The following CLCN7 variants were observed in gnomAD, a reference collection of about 807,000 sequenced individuals.
CLCN7 encodes the protein H(+)/Cl(-) exchange transporter 7.
Under a neutral mutation model 102.1 loss-of-function variants are expected in CLCN7, and 60 were observed. That is an observed-to-expected ratio of 0.59 (90% confidence interval 0.48 to 0.73). The LOEUF is 0.73. Ranked by LOEUF, CLCN7 falls within the 30% of genes least tolerant of loss-of-function variation. CLCN7 has a pLI of 0.00. For missense variants in CLCN7, 962 were observed against 1,125.7 expected, an observed-to-expected ratio of 0.85 and a Z score of 2.08; for synonymous variants, 560 against 490.5, an observed-to-expected ratio of 1.14 and a Z score of -1.87.
At chr16:1,471,281 T>G (rs2039074458) in intron 1 of CLCN7, among the ~76,000 whole-genome samples, 2 of 152,052 alleles carry the variant, frequency 1.3e-5, no homozygotes, top group Non-Finnish European at 2.9e-5. Context: ...CCAGCCAACC[T>G]GAAAATCCTG....
Position 1,457,346 on chromosome 16 carries a change from C to G in CLCN7, c.739-9G>C. 6.2e-7 allele frequency: 1 copy of G among 1,612,426 alleles called. No individual in the cohort carries two copies. The highest frequency in any genetic ancestry group is 8.5e-7 in the Non-Finnish European group (1 of 1,179,048). ...TGGATCATCGGCCCTTCCTGGAGAC[C>G]AGAAGGACCGGTGCTCAGAGACACG... On this transcript the variant is annotated splice_polypyrimidine_tract_variant and intron_variant, in intron 8 of 24. Coordinates refer to ENST00000382745, the MANE Select transcript of CLCN7 (RefSeq NM_001287.6). This position sits in a 1 kb window ranked among gnomAD's most constrained non-coding sequence, Gnocchi z 5.4.
intron 14 of CLCN7, among the ~76,000 whole-genome samples, chr16:1,453,264 C>T (rs973977131): frequency 2.6e-5 from 4 of 152,184 alleles, no homozygotes; most frequent in South Asian, 2.1e-4. Flanking sequence ...CCACCCGCCT[C>T]GGCCTCCCAA....
chr16:1,465,313 A>C lies in CLCN7; in HGVS notation c.167T>G (p.Val56Gly), dbSNP rs967197502. Reference sequence around the variant, plus strand: ...CAGCTCCACGCTGCTCATATGTCCGACTCGGAAAAGCGCAGAACGTGGTGA... The same window carrying C: ...CAGCTCCACGCTGCTCATATGTCCGCCTCGGAAAAGCGCAGAACGTGGTGA... Reference protein sequence around the residue: ...RQSPRSALFRVGHMSSVELDD... With the variant: ...RQSPRSALFRGGHMSSVELDD... Residue 56 changes from valine to glycine, a missense_variant, in exon 2 of 25, where the codon GTC becomes GGC. By Grantham distance (109) the Val-to-Gly change is moderately radical (BLOSUM62 -3). Transcript: ENST00000382745. 4 of 1,613,728 alleles carry C rather than the reference A, an allele frequency of 2.5e-6. No individual in the cohort carries two copies. The African/African-American group carries it at 5.3e-5, about 22-fold the overall frequency.
At chr16:1,464,026 C>A (rs1454089308) in intron 2 of CLCN7, among the ~76,000 whole-genome samples, 1 of 152,170 alleles carries the variant, frequency 6.6e-6, no homozygotes, top group African/African-American at 2.4e-5. Context: ...CCATCTGCTT[C>A]CCAAAGTACT....
Position 1,446,374 on chromosome 16 carries a change from G to A in CLCN7, c.*257C>T, listed in dbSNP as rs2142363634. 1.4e-6 allele frequency: 1 copy of A among 702,304 alleles called. No individual in the cohort carries two copies. Among genetic ancestry groups the A allele is most frequent in the East Asian group, 2.7e-5 (1 of 37,280 alleles). 43.5% of individuals were successfully genotyped at this position (702,304 alleles called of 1,614,324 possible). On this transcript the variant is annotated 3_prime_UTR_variant, in exon 25 of 25. Coordinates refer to ENST00000382745, the MANE Select transcript of CLCN7 (RefSeq NM_001287.6). ...CACACACACACAGCTGATCCCTGGA[G>A]GTAAAGAAACCTAGACGAGGAGAGT...
chr16:1,461,304 G>T, intron 4 of CLCN7, 101 bp downstream of exon 4: 1 of 1,018,072 alleles, frequency 9.8e-7, no homozygotes. Context: ...GAGGAGGAGG[G>T]AGGAGGTGCG....
chr16:1,457,316 C>G lies in CLCN7; in HGVS notation c.760G>C (p.Gly254Arg). The G allele has an allele frequency of 5.0e-6, 8 of 1,613,980 alleles. No homozygotes were observed. Among genetic ancestry groups the G allele is most frequent in the Non-Finnish European group, 6.8e-6 (8 of 1,180,030 alleles). The change falls in exon 9 of 25, where the codon GGT (glycine) becomes CGT (arginine). Residue 254 changes from glycine (G) to arginine (R), a missense_variant. Physicochemically the swap from Gly to Arg is moderately radical, Grantham distance 125. Around this residue, in one of 2 missense-constraint regions of CLCN7, gnomAD observed 799 missense variants for 988.0 expected, o/e 0.81. Transcript: ENST00000382745. The surrounding 1 kb of genome is among the most constrained non-coding windows in gnomAD (Gnocchi z 5.4). ...VGKEGPMIHS[G>R]SVIAAGISQG... ...GAGATCCCGGCGGCAATCACTGAACCTGAGTGGATCATCGGCCCTTCCTGG... is the reference window on the plus strand; with the variant it reads ...GAGATCCCGGCGGCAATCACTGAACGTGAGTGGATCATCGGCCCTTCCTGG...
chr16:1,464,787 A>G (rs1256817923), intron 2 of CLCN7, among the ~76,000 whole-genome samples: 1 of 152,196 alleles, frequency 6.6e-6, no homozygotes, highest in African/African-American at 2.4e-5. Context: ...TCCCGGCCTC[A>G]CCAGCGGCTG....
intron 17 of CLCN7, 29 bp downstream of exon 17, chr16:1,450,468 C>A: frequency 6.4e-7 from 1 of 1,570,858 alleles, no homozygotes; most frequent in Non-Finnish European, 8.6e-7. Context: ...GCTGCAGGGC[C>A]CCACAGCCTC....
At position 1,460,835 on chromosome 16, in the gene CLCN7, C is replaced by T. The variant is rs376692366; in HGVS notation, c.465G>A (p.Lys155=). The T allele has an allele frequency of 1.9e-5, 31 of 1,613,922 alleles. No individual in the cohort carries two copies. Among genetic ancestry groups the T allele is most frequent in the African/African-American group, 2.7e-5 (2 of 74,940 alleles). ...GGATACTGCCCTTGATGACCCTGTACTTGAGGCCAGCCAGGTTTTCCACCA... is the reference window on the plus strand; with the variant it reads ...GGATACTGCCCTTGATGACCCTGTATTTGAGGCCAGCCAGGTTTTCCACCA... The part of the protein sequence containing the change: ...DIVVENLAGL[K]YRVIKGNIDK... The change falls in exon 5 of 25, where the codon AAG becomes AAA. Residue 155 remains lysine, a synonymous_variant. Coordinates refer to ENST00000382745, the MANE Select transcript of CLCN7 (RefSeq NM_001287.6).
intron 1 of CLCN7, among the ~76,000 whole-genome samples, chr16:1,469,075 G>A (rs1032149855): frequency 6.6e-6 from 1 of 151,340 alleles, no homozygotes; most frequent in African/African-American, 2.4e-5. Flanking sequence ...GCATGGTGGT[G>A]CACACCTGTA....
intron 1 of CLCN7, among the ~76,000 whole-genome samples, chr16:1,468,695 G>A (rs1210499348): frequency 6.6e-6 from 1 of 152,028 alleles, no homozygotes; most frequent in Non-Finnish European, 1.5e-5. Flanking sequence ...GTTGGGAGTG[G>A]GTGGGACTAG....
In CLCN7 at chr16:1,458,040, C is replaced by G. The variant is rs765032881; in HGVS notation, c.676-284G>C. On this transcript the variant is annotated intron_variant, in intron 7 of 24. Coordinates refer to ENST00000382745, the MANE Select transcript of CLCN7 (RefSeq NM_001287.6). The stretch of plus-strand genomic sequence containing the variant: ...CTTCCTTCCTGAGGCAAAGCTGGGC[C>G]GCCCACCGCATCCTACAGGCACACC... 3.6e-5 allele frequency among the ~76,000 whole-genome samples: 5 copies of G among 139,184 alleles called. No individual in the cohort carries two copies. The South Asian group carries it at 1.1e-3, about 31-fold the overall frequency. The allele number at this position is 139,184 out of a possible 152,430, so 91.3% of individuals were successfully genotyped here.
intron 6 of CLCN7, among the ~76,000 whole-genome samples, chr16:1,460,033 C>G (rs551355064): frequency 6.6e-6 from 1 of 152,140 alleles, no homozygotes; most frequent in South Asian, 2.1e-4. Context: ...CACGTTGGGG[C>G]CCCAGGGAAG....
intron 3 of CLCN7, 59 bp from the exon 4 acceptor site, chr16:1,461,529 C>T: frequency 6.2e-7 from 1 of 1,604,718 alleles, no homozygotes; most frequent in Non-Finnish European, 8.5e-7. Flanking sequence ...TGGGTGCGGG[C>T]ACAGGGGACC....
rs149031035 is a variant in CLCN7 at position 1,452,859 on chromosome 16, C to A, written c.1249G>T (p.Ala417Ser). 6.1e-5 allele frequency: 97 copies of A among 1,578,960 alleles called. No individual in the cohort carries two copies. Among genetic ancestry groups the A allele is most frequent in the Admixed American group, 1.8e-5 (1 of 55,804 alleles). Residue 417 changes from alanine (A) to serine (S), a missense_variant, in exon 15 of 25, where the codon GCC becomes TCC. Coordinates refer to ENST00000382745, the MANE Select transcript of CLCN7 (RefSeq NM_001287.6). ...IHRPCLQVIE[A>S]VLVAAVTATV... ...GCCGTGACGGCGGCCACCAGCACGG[C>A]CTCAATCACCTGCAGGCAGGGCCGG...
Position 1,446,306 on chromosome 16 carries a change from C to G in CLCN7, c.*325G>C. The G allele has an allele frequency of 1.4e-6, 1 of 700,520 alleles. No individual in the cohort carries two copies. The highest frequency in any genetic ancestry group is 2.7e-5 in the East Asian group (1 of 37,286). The allele number at this position is 700,520 out of a possible 1,614,324, so 43.4% of individuals were successfully genotyped here. A position where few individuals can be genotyped will look rare whatever the true frequency, so the allele number is the denominator to read the frequency against. The stretch of plus-strand genomic sequence containing the variant: ...CGGGCACAGGCACGCAGGTGCCGGC[C>G]CTGCCGCTGGCTCCCAAGAGGCCGA... On this transcript the variant is annotated 3_prime_UTR_variant, in exon 25 of 25. Coordinates refer to ENST00000382745, the MANE Select transcript of CLCN7 (RefSeq NM_001287.6).
Position 1,452,760 on chromosome 16 carries a change from G to T in CLCN7, c.1348C>A (p.Leu450Met). 1.3e-6 allele frequency: 2 copies of T among 1,598,668 alleles called. No homozygotes were observed. The highest frequency in any genetic ancestry group is 1.7e-6 in the Non-Finnish European group (2 of 1,173,180). ...GCCCGGGCCCAGCCTCCCACCTGCA[G>T]CGGGTAGGACATGGAGCCCCCCTGC... is the stretch of plus-strand genomic sequence containing the variant. ...PLQGGSMSYP[L>M]QLFCADGEYN... is the part of the protein sequence containing the mutation. The change falls in exon 15 of 25, where the codon CTG (leucine) becomes ATG (methionine). Residue 450 changes from leucine to methionine, a missense_variant. Physicochemically the swap from Leu to Met is conservative, Grantham distance 15. Transcript: ENST00000382745.
chr16:1,473,637 T>G (rs2039109486), intron 1 of CLCN7, among the ~76,000 whole-genome samples: 1 of 151,722 alleles, frequency 6.6e-6, no homozygotes, highest in Non-Finnish European at 1.5e-5. Flanking sequence ...CCTCCCAAAG[T>G]GCTGGGATTA....
Sources: allele counts gnomAD v4.1 joint callset (sites outside exome capture counted in the v4.1 genomes callset), GRCh38; gene constraint gnomAD v4.1.1; regional missense constraint gnomAD v4.1.1; non-coding constraint Gnocchi (gnomAD v3.1); transcripts MANE v1.5; gene names NCBI Gene and HGNC (gene_info 2026-07-23, HGNC 2026-07-21).